Variants in PHF21A observed in about 807,000 individuals in gnomAD.
The protein encoded by PHF21A is BHC80a.
PHF21A carries 11 observed loss-of-function variants against 82.5 expected under a neutral mutation model. The observed-to-expected ratio is 0.13, with a 90% CI of 0.08 to 0.22. The LOEUF (loss-of-function observed/expected upper bound fraction) is 0.22, where lower values mean the gene tolerates loss of function less well. Ranked by LOEUF, PHF21A falls within the 10% of genes least tolerant of loss-of-function variation. The pLI is 1.00. For missense variants in PHF21A, 579 were observed against 837.8 expected (o/e 0.69, Z 3.81); for synonymous variants, 297 against 302.8 (o/e 0.98, Z 0.20).
chr11:46,069,976 T>A (rs1239419879), intron 6 of PHF21A, among the ~76,000 whole-genome samples: 1 of 152,210 alleles, frequency 6.6e-6, no homozygotes. Flanking sequence ...CCTCAATGCA[T>A]AATCCAAACA....
intron 10 of PHF21A, among the ~76,000 whole-genome samples, chr11:45,962,078 C>T (rs75985978): frequency 1.4e-3 from 214 of 152,284 alleles, no homozygotes; most frequent in African/African-American, 4.8e-3. Flanking sequence ...TGCTTCCTTC[C>T]CTGGAGACAC....
At chr11:46,076,392 C>CTT (rs1208106911) in intron 6 of PHF21A, among the ~76,000 whole-genome samples, 1 of 152,150 alleles carries the variant, frequency 6.6e-6, no homozygotes, top group Non-Finnish European at 1.5e-5. Context: ...CAGCTCAAGG[C>CTT]TTTAAGACAG....
chr11:45,944,253 A>G (rs1241193008), intron 15 of PHF21A, among the ~76,000 whole-genome samples: 1 of 152,230 alleles, frequency 6.6e-6, no homozygotes, highest in Non-Finnish European at 1.5e-5. Flanking sequence ...GATATATAGC[A>G]AAATATTTTA....
intron 18 of PHF21A, chr11:45,934,511 G>T (rs939947216): frequency 8.3e-6 from 3 of 360,676 alleles, no homozygotes; most frequent in Non-Finnish European, 9.9e-6. Context: ...AAAACAAACC[G>T]GCAGAGCCGC....
intron 6 of PHF21A, among the ~76,000 whole-genome samples, chr11:45,990,619 G>A (rs2094661744): frequency 6.6e-6 from 1 of 151,688 alleles, no homozygotes. Flanking sequence ...TGCTTTTACT[G>A]TATTGTTCTC....
At chr11:46,060,924 C>A (rs1177081808) in intron 6 of PHF21A, among the ~76,000 whole-genome samples, 1 of 152,122 alleles carries the variant, frequency 6.6e-6, no homozygotes, top group Non-Finnish European at 1.5e-5. Context: ...GGTTATCTAC[C>A]AGGGTTTTTA....
chr11:46,026,764 A>C (rs1171972247), intron 6 of PHF21A: 1 of 152,202 alleles, frequency 6.6e-6, no homozygotes, highest in Non-Finnish European at 1.5e-5. Flanking sequence ...ACGTGCACAG[A>C]TAGCCAAAAG....
At chr11:46,050,484 G>A (rs920486709) in intron 6 of PHF21A, among the ~76,000 whole-genome samples, 9 of 152,126 alleles carry the variant, frequency 5.9e-5, no homozygotes, top group Admixed American at 5.9e-4. Context: ...ATCACAGAAA[G>A]CAACAAGAAA....
intron 6 of PHF21A, among the ~76,000 whole-genome samples, chr11:46,054,970 T>C (rs1309512562): frequency 1.3e-5 from 2 of 152,200 alleles, no homozygotes; most frequent in African/African-American, 4.8e-5. Context: ...CATTTTATTT[T>C]AGTTTAAATG....
chr11:45,939,241 C>G (rs1236381192), intron 15 of PHF21A, among the ~76,000 whole-genome samples: 1 of 152,134 alleles, frequency 6.6e-6, no homozygotes, highest in Non-Finnish European at 1.5e-5. Flanking sequence ...AGAGGACAAC[C>G]TACATATCAT....
intron 3 of PHF21A, 34 bp from the exon 4 acceptor site, chr11:46,084,336 A>C (rs2096829847): frequency 6.0e-6 from 4 of 662,604 alleles, no homozygotes; most frequent in Middle Eastern, 2.4e-4. Context: ...GGATCATTAC[A>C]TTTGGAATAA....
chr11:45,990,448 C>T (rs1282369143), intron 6 of PHF21A, among the ~76,000 whole-genome samples: 2 of 151,538 alleles, frequency 1.3e-5, no homozygotes, highest in African/African-American at 4.8e-5. Flanking sequence ...TTAGTAGAGA[C>T]ATGGTTTCGC....
chr11:45,961,821 T>C (rs1367391526), intron 10 of PHF21A, among the ~76,000 whole-genome samples: 1 of 152,208 alleles, frequency 6.6e-6, no homozygotes, highest in Non-Finnish European at 1.5e-5. Flanking sequence ...ATGTGAAGGC[T>C]ATATCGTAAG....
intron 1 of PHF21A, among the ~76,000 whole-genome samples, chr11:46,115,072 AAT>A (rs2097271710): frequency 6.6e-6 from 1 of 152,224 alleles, no homozygotes; most frequent in Non-Finnish European, 1.5e-5. Context: ...TATAGAAAAG[AAT>A]AGTTGCCTTC....
intron 1 of PHF21A, among the ~76,000 whole-genome samples, chr11:46,106,305 G>T (rs1351463674): frequency 6.6e-6 from 1 of 152,068 alleles, no homozygotes; most frequent in East Asian, 1.9e-4. Context: ...TCTCCCCTGA[G>T]CACAAAAGGG....
rs1480754409 is a variant in PHF21A at position 45,992,557 on chromosome 11, A to AT, written c.154-12592dup. 2.0e-5 allele frequency among the ~76,000 whole-genome samples: 3 copies of AT among 152,176 alleles called. No individual in the cohort carries two copies. In the East Asian group the frequency reaches 5.8e-4, roughly 29 times the overall value. ...GCGAGACTCCGTCTCAAAAAAGAAA[A>AT]TTTTTTGACATCACAAGGTGAACCA... On this transcript the variant is annotated intron_variant, in intron 6 of 18. Coordinates refer to ENST00000676320, the MANE Select transcript of PHF21A (RefSeq NM_001352027.3).
intron 6 of PHF21A, among the ~76,000 whole-genome samples, chr11:46,028,851 C>A (rs946522337): frequency 6.6e-6 from 1 of 152,168 alleles, no homozygotes; most frequent in Admixed American, 6.5e-5. Context: ...GGATTACAGG[C>A]GTGAGCCACC....
At chr11:46,091,711 G>C in intron 2 of PHF21A, among the ~76,000 whole-genome samples, 1 of 152,164 alleles carries the variant, frequency 6.6e-6, no homozygotes, top group Non-Finnish European at 1.5e-5. Context: ...AAACACTATA[G>C]GAATCTTAAT....
chr11:45,987,660 CAAAAAAA>C (rs71038877), intron 6 of PHF21A, among the ~76,000 whole-genome samples: 4 of 34,912 alleles, frequency 1.1e-4, no homozygotes, highest in South Asian at 2.1e-3. Flanking sequence ...GACCCCGTCT[CAAAAAAA>C]AAAAAAAAAA....
Sources: allele counts gnomAD v4.1 joint callset (sites outside exome capture counted in the v4.1 genomes callset), GRCh38; gene constraint gnomAD v4.1.1; transcripts MANE v1.5; gene names NCBI Gene and HGNC (gene_info 2026-07-23, HGNC 2026-07-21).